Variants in WDPCP observed in about 807,000 individuals in gnomAD.
WDPCP encodes the protein WD repeat-containing and planar cell polarity effector protein fritz homolog.
A neutral mutation model predicts 93.1 loss-of-function variants in WDPCP; 71 were observed. The observed-to-expected ratio is 0.76, with a 90% CI of 0.63 to 0.93. WDPCP has a LOEUF of 0.93. Among genes scored for constraint, WDPCP ranks in the 40% least tolerant of loss-of-function variants. The pLI is 0.00. For synonymous variants in WDPCP, 315 were observed against 315.0 expected (o/e 1.00, Z 0.00); for missense variants, 844 against 887.4 (o/e 0.95, Z 0.62).
chr2:63,592,043 C>A (rs1709209610), upstream of WDPCP, among the ~76,000 whole-genome samples: 1 of 152,168 alleles, frequency 6.6e-6, no homozygotes, highest in African/African-American at 2.4e-5. Flanking sequence ...TCTTTAATTA[C>A]TACTCTCTAC....
At chr2:63,495,111 C>T (rs1184095350) in intron 1 of WDPCP, among the ~76,000 whole-genome samples, 2 of 152,006 alleles carry the variant, frequency 1.3e-5, no homozygotes, top group African/African-American at 4.8e-5. Context: ...AATAAGGAAC[C>T]CCTCAATCCC....
chr2:63,807,379 C>G (rs1670783196), intron 2 of WDPCP, among the ~76,000 whole-genome samples: 1 of 152,128 alleles, frequency 6.6e-6, no homozygotes, highest in African/African-American at 2.4e-5. Context: ...TGACACCTCC[C>G]CATCTCTCTC....
At chr2:63,539,767 A>G (rs1558778150) in intron 1 of WDPCP, among the ~76,000 whole-genome samples, 1 of 152,232 alleles carries the variant, frequency 6.6e-6, no homozygotes. Context: ...ATTTCTTTCC[A>G]GTAAACTATT....
At chr2:63,297,122 C>G (rs1334004841) in intron 13 of WDPCP, among the ~76,000 whole-genome samples, 1 of 152,176 alleles carries the variant, frequency 6.6e-6, no homozygotes, top group Non-Finnish European at 1.5e-5. Flanking sequence ...AAACGAGGCA[C>G]AGCATTTAGT....
At chr2:63,802,281 T>TAAAAA (rs58717654) in intron 2 of WDPCP, among the ~76,000 whole-genome samples, 946 of 54,284 alleles carry the variant, frequency 0.017, 189 homozygotes, top group East Asian at 0.027. Flanking sequence ...CCCTCTCTCT[T>TAAAAA]AAAAAAAAAA....
chr2:63,572,999 C>A (rs973739015), intron 1 of WDPCP, among the ~76,000 whole-genome samples: 2 of 152,032 alleles, frequency 1.3e-5, no homozygotes, highest in African/African-American at 4.8e-5. Context: ...ATAATCCCAG[C>A]ACTTTTGGAG....
intron 2 of WDPCP, among the ~76,000 whole-genome samples, chr2:63,729,596 T>C (rs1669532919): frequency 2.6e-5 from 4 of 152,114 alleles, no homozygotes; most frequent in Admixed American, 2.6e-4. Context: ...GCACATCAGG[T>C]GATTTCACCT....
At chr2:63,373,567 T>C (rs1234114540) in intron 12 of WDPCP, among the ~76,000 whole-genome samples, 2 of 151,408 alleles carry the variant, frequency 1.3e-5, no homozygotes, top group Non-Finnish European at 2.9e-5. Context: ...ACCTTCTCTG[T>C]TTTAGATGTC....
chr2:63,685,849 C>T (rs1668798867), intron 2 of WDPCP, among the ~76,000 whole-genome samples: 1 of 151,952 alleles, frequency 6.6e-6, no homozygotes, highest in Non-Finnish European at 1.5e-5. Context: ...GAATGAAGGA[C>T]AAAAAACATA....
intron 14 of WDPCP, among the ~76,000 whole-genome samples, chr2:63,221,276 T>C (rs1677810855): frequency 6.6e-6 from 1 of 152,238 alleles, no homozygotes; most frequent in Admixed American, 6.5e-5. Flanking sequence ...GAATGGTGAA[T>C]AGAAGAATAT....
chr2:63,425,851 T>TA (rs1453462088), intron 9 of WDPCP, among the ~76,000 whole-genome samples: 1 of 152,178 alleles, frequency 6.6e-6, no homozygotes, highest in Non-Finnish European at 1.5e-5. Flanking sequence ...GAGAGACTGA[T>TA]ATGCAAATTC....
chr2:63,546,174 T>C (rs938283772), intron 1 of WDPCP, among the ~76,000 whole-genome samples: 1 of 152,032 alleles, frequency 6.6e-6, no homozygotes, highest in Admixed American at 6.6e-5. Context: ...ATCAGCAAAA[T>C]GGAGAAATGG....
chr2:63,211,101 G>A (rs774073044), intron 14 of WDPCP, among the ~76,000 whole-genome samples: 1 of 152,214 alleles, frequency 6.6e-6, no homozygotes, highest in Non-Finnish European at 1.5e-5. Context: ...CAGCCTTGAA[G>A]AGAGTAGTGG....
At chr2:63,262,339 C>A (rs985063450) in intron 13 of WDPCP, among the ~76,000 whole-genome samples, 2 of 151,894 alleles carry the variant, frequency 1.3e-5, no homozygotes, top group Non-Finnish European at 2.9e-5. Flanking sequence ...CATGTTTATA[C>A]CTAGGAAGAC....
chr2:63,720,691 A>G (rs1669403578), intron 2 of WDPCP, among the ~76,000 whole-genome samples: 1 of 152,234 alleles, frequency 6.6e-6, no homozygotes, highest in Non-Finnish European at 1.5e-5. Context: ...TTCTGAACAC[A>G]AACAACATTC....
At chr2:63,460,345 G>A (rs893053058) in intron 6 of WDPCP, among the ~76,000 whole-genome samples, 5 of 152,146 alleles carry the variant, frequency 3.3e-5, no homozygotes, top group African/African-American at 1.2e-4. Context: ...GGGGGTGGGG[G>A]AGAGAGTTCG....
chr2:63,830,836 C>T (rs571695750), upstream of WDPCP, among the ~76,000 whole-genome samples: 1 of 152,202 alleles, frequency 6.6e-6, no homozygotes, highest in Non-Finnish European at 1.5e-5. Flanking sequence ...GTGTCTTCTC[C>T]CTATATGCTC....
At chr2:63,669,690 G>C (rs1215866398) in intron 2 of WDPCP, among the ~76,000 whole-genome samples, 2 of 152,160 alleles carry the variant, frequency 1.3e-5, no homozygotes, top group Admixed American at 6.5e-5. Flanking sequence ...ATATTCTCTT[G>C]TTAGATACAT....
At chr2:63,835,143 T>C in the WDPCP span, among the ~76,000 whole-genome samples, 1 of 151,824 alleles carries the variant, frequency 6.6e-6, no homozygotes, top group Non-Finnish European at 1.5e-5. Flanking sequence ...TCCCAGCACT[T>C]TGGGAGGCCG....
Sources: gnomAD v4.1 joint callset for allele counts (sites outside exome capture counted in the v4.1 genomes callset) on GRCh38, gnomAD v4.1.1 for gene constraint, MANE v1.5 for transcripts, NCBI Gene and HGNC (gene_info 2026-07-23, HGNC 2026-07-21) for gene names.